ADGRB3: variants seen among roughly 807,000 people sequenced by gnomAD.
ADGRB3 encodes adhesion G protein-coupled receptor B3.
A neutral mutation model predicts 193.4 loss-of-function variants in ADGRB3; 37 were observed. The observed-to-expected ratio is 0.19, with a 90% CI of 0.15 to 0.25. The LOEUF is 0.25. ADGRB3 is among the 10% of genes least tolerant of loss of function. The pLI is 1.00. For synonymous variants in ADGRB3, 690 were observed against 644.2 expected (o/e 1.07, Z -1.08); for missense variants, 1,637 against 1,852.9 (o/e 0.88, Z 2.14).
intron 20 of ADGRB3, among the ~76,000 whole-genome samples, chr6:69,254,814 G>A (rs567171173): frequency 4.8e-4 from 71 of 148,846 alleles, no homozygotes; most frequent in Middle Eastern, 3.4e-3. Context: ...CCACTAACTC[G>A]TCATCTAGCA....
At chr6:68,705,443 G>A (rs369678475) in intron 3 of ADGRB3, among the ~76,000 whole-genome samples, 3 of 152,134 alleles carry the variant, frequency 2.0e-5, no homozygotes, top group African/African-American at 4.8e-5. Context: ...GGGAGATAAC[G>A]CATTTCAGGA....
chr6:68,819,950 T>C (rs1767718000), intron 3 of ADGRB3, among the ~76,000 whole-genome samples: 1 of 152,118 alleles, frequency 6.6e-6, no homozygotes, highest in South Asian at 2.1e-4. Flanking sequence ...AATAACCTTA[T>C]CATTGGTTCC....
chr6:69,323,457 A>T (rs556644707), intron 20 of ADGRB3, among the ~76,000 whole-genome samples: 1 of 152,200 alleles, frequency 6.6e-6, no homozygotes, highest in African/African-American at 2.4e-5. Context: ...AAGCTACTGC[A>T]TTATACCTGA....
intron 3 of ADGRB3, among the ~76,000 whole-genome samples, chr6:68,729,066 T>A (rs575759283): frequency 6.6e-6 from 1 of 151,688 alleles, no homozygotes; most frequent in Admixed American, 6.6e-5. Context: ...ATACAAACAT[T>A]AAATTGGTAA....
chr6:69,333,577 T>A (rs1768773425), intron 24 of ADGRB3, among the ~76,000 whole-genome samples: 1 of 151,984 alleles, frequency 6.6e-6, no homozygotes. Context: ...CACTTTAACC[T>A]CATAAAATTT....
Position 69,352,789 on chromosome 6 carries a change from T to C in ADGRB3, c.3460-1444T>C, listed in dbSNP as rs189772877. Among the ~76,000 whole-genome samples the C allele has an allele frequency of 8.2e-4, 125 of 152,352 alleles. 1 individual carries two copies. Among genetic ancestry groups the C allele is most frequent in the Non-Finnish European group, 1.5e-3 (105 of 68,028 alleles). On this transcript the variant is annotated intron_variant, in intron 26 of 31. Coordinates refer to ENST00000370598, the MANE Select transcript of ADGRB3 (RefSeq NM_001704.3). ...CTCAGTTTTGTTTTGTTTTGTTTTG[T>C]TTCCTGGCCAACAGGTATATTATGA...
chr6:69,178,870 T>C (rs1419464961), intron 17 of ADGRB3, among the ~76,000 whole-genome samples: 1 of 152,214 alleles, frequency 6.6e-6, no homozygotes, highest in East Asian at 1.9e-4. Context: ...TCTAAGTGCC[T>C]TTGAGATTTT....
chr6:69,153,653 C>T (rs1029132681), intron 17 of ADGRB3, among the ~76,000 whole-genome samples: 1 of 152,090 alleles, frequency 6.6e-6, no homozygotes, highest in Admixed American at 6.6e-5. Flanking sequence ...AGATCATTTA[C>T]CTCTGAAACC....
At chr6:68,966,050 C>CT (rs1331491401) in intron 8 of ADGRB3, among the ~76,000 whole-genome samples, 3 of 152,116 alleles carry the variant, frequency 2.0e-5, no homozygotes, top group Non-Finnish European at 4.4e-5. Flanking sequence ...TCGGCATCTC[C>CT]TCTCCCAAGT....
chr6:68,835,426 T>G (rs1768026938), intron 3 of ADGRB3, among the ~76,000 whole-genome samples: 1 of 152,194 alleles, frequency 6.6e-6, no homozygotes, highest in African/African-American at 2.4e-5. Context: ...ATTTGTATAA[T>G]AAAGAATTAT....
At chr6:69,282,387 T>TA (rs1767455914) in intron 20 of ADGRB3, among the ~76,000 whole-genome samples, 1 of 152,136 alleles carries the variant, frequency 6.6e-6, no homozygotes, top group African/African-American at 2.4e-5. Flanking sequence ...CACCAGTTCA[T>TA]AAAAATATTT....
intron 3 of ADGRB3, among the ~76,000 whole-genome samples, chr6:68,816,316 C>A (rs1262506262): frequency 1.3e-5 from 2 of 151,678 alleles, no homozygotes; most frequent in African/African-American, 4.8e-5. Flanking sequence ...GATTAAGAAT[C>A]TGTACTGAGT....
At chr6:68,751,413 C>A (rs1209219965) in intron 3 of ADGRB3, among the ~76,000 whole-genome samples, 13 of 152,124 alleles carry the variant, frequency 8.5e-5, no homozygotes. Flanking sequence ...AAGTTTCCAT[C>A]TTATCTCCTT....
intron 11 of ADGRB3, 23 bp from the exon 12 acceptor site, chr6:69,014,015 C>A (rs776951554): frequency 5.7e-5 from 83 of 1,451,820 alleles, no homozygotes; most frequent in Non-Finnish European, 7.2e-5. Flanking sequence ...AATATTAAAT[C>A]TTTTATCTAA....
At chr6:68,641,540 A>G (rs1231901888) in intron 3 of ADGRB3, among the ~76,000 whole-genome samples, 1 of 152,196 alleles carries the variant, frequency 6.6e-6, no homozygotes, top group African/African-American at 2.4e-5. Context: ...GTTGAACTAG[A>G]AAAAGTTTGT....
intron 3 of ADGRB3, among the ~76,000 whole-genome samples, chr6:68,838,773 T>A (rs1258554612): frequency 6.6e-6 from 1 of 152,232 alleles, no homozygotes; most frequent in Non-Finnish European, 1.5e-5. Flanking sequence ...CTGTTTCAGC[T>A]AAATTCAAGT....
chr6:68,750,085 G>T (rs1766166579), intron 3 of ADGRB3, among the ~76,000 whole-genome samples: 1 of 152,060 alleles, frequency 6.6e-6, no homozygotes, highest in Admixed American at 6.6e-5. Context: ...ATGAAACTGG[G>T]TGTATTGCAA....
At chr6:69,186,064 A>C (rs1765060175) in intron 17 of ADGRB3, among the ~76,000 whole-genome samples, 1 of 151,368 alleles carries the variant, frequency 6.6e-6, no homozygotes, top group African/African-American at 2.4e-5. Flanking sequence ...GCTTTGCTGG[A>C]GGTTTGTTCT....
chr6:69,053,433 C>T (rs1562139132), intron 15 of ADGRB3, among the ~76,000 whole-genome samples: 1 of 152,168 alleles, frequency 6.6e-6, no homozygotes, highest in African/African-American at 2.4e-5. Context: ...CAATACAAAC[C>T]ATAGACTTCC....
Sources: gnomAD v4.1 joint callset for allele counts (sites outside exome capture counted in the v4.1 genomes callset) on GRCh38, gnomAD v4.1.1 for gene constraint, MANE v1.5 for transcripts, NCBI Gene and HGNC (gene_info 2026-07-23, HGNC 2026-07-21) for gene names.